The following HDAC4 variants were observed in gnomAD, a reference collection of about 807,000 sequenced individuals.
HDAC4 encodes the protein histone deacetylase 4.
HDAC4 carries 16 observed loss-of-function variants against 135.1 expected under a neutral mutation model. The ratio of observed to expected loss-of-function variants is 0.12; its 90% CI spans 0.08 to 0.18. HDAC4 has a LOEUF of 0.18. Among genes scored for constraint, HDAC4 ranks in the 10% least tolerant of loss-of-function variants. The probability of loss-of-function intolerance (pLI) is 1.00; values close to 1 mark genes in which losing one functional copy is unlikely to be tolerated. For missense variants in HDAC4, 1,143 were observed against 1,511.8 expected (o/e 0.76, Z 4.05); for synonymous variants, 685 against 653.4 (o/e 1.05, Z -0.74).
chr2:239,324,850 G>C (rs564208143), intron 2 of HDAC4, among the ~76,000 whole-genome samples: 4 of 152,100 alleles, frequency 2.6e-5, no homozygotes, highest in African/African-American at 4.8e-5. Flanking sequence ...TATGGCTGCA[G>C]CGCCCTGGCT....
At position 239,208,538 on chromosome 2, in the gene HDAC4, A is replaced by G. The variant is rs145961857; in HGVS notation, c.95-18461T>C. On this transcript the variant is annotated intron_variant, in intron 3 of 26. Transcript: ENST00000543185. ...AAAGAGTTATCTATTAAAAGGTCCCAGCAAATATTGCTTTTAATGGTGAAT... is the reference window on the plus strand; with the variant it reads ...AAAGAGTTATCTATTAAAAGGTCCCGGCAAATATTGCTTTTAATGGTGAAT... 5.3e-3 allele frequency among the ~76,000 whole-genome samples: 811 copies of G among 152,262 alleles called. 5 individuals are homozygous for G. The highest frequency in any genetic ancestry group is 0.015 in the South Asian group (72 of 4,828).
chr2:239,058,834 A>G (rs575194582), intron 24 of HDAC4, among the ~76,000 whole-genome samples: 1 of 152,364 alleles, frequency 6.6e-6, no homozygotes, highest in Non-Finnish European at 1.5e-5. Context: ...CAGGAAAACC[A>G]AAGCGTGAAC....
intron 12 of HDAC4, among the ~76,000 whole-genome samples, chr2:239,122,536 C>A (rs1200643944): frequency 6.6e-6 from 1 of 152,182 alleles, no homozygotes; most frequent in African/African-American, 2.4e-5. Flanking sequence ...CCACTGCATA[C>A]AAGGCACGGG....
In HDAC4 at chr2:239,052,959, G is replaced by C; in HGVS notation, c.*138C>G. Reference sequence around the variant, plus strand: ...GGCCTGGGCGGCAGAAAGGCTTCCCGTGGCTGTTGCACGCTGGGTGTCCCT... The same window carrying C: ...GGCCTGGGCGGCAGAAAGGCTTCCCCTGGCTGTTGCACGCTGGGTGTCCCT... On this transcript the variant is annotated 3_prime_UTR_variant, in exon 27 of 27. Transcript: ENST00000543185. 1 of 999,336 alleles carries C rather than the reference G, an allele frequency of 1.0e-6. No individual in the cohort carries two copies. Among genetic ancestry groups the C allele is most frequent in the Non-Finnish European group, 1.6e-6 (1 of 626,544 alleles). The allele number at this position is 999,336 out of a possible 1,614,324, so 61.9% of individuals were successfully genotyped here.
At chr2:239,354,643 C>A (rs1693377706) in intron 1 of HDAC4, among the ~76,000 whole-genome samples, 2 of 148,302 alleles carry the variant, frequency 1.3e-5, no homozygotes, top group African/African-American at 5.0e-5. Context: ...TAAAGAATCA[C>A]CCCCGCCCCC....
intron 7 of HDAC4, among the ~76,000 whole-genome samples, chr2:239,148,301 AGG>A (rs1370858064): frequency 1.3e-5 from 2 of 152,202 alleles, no homozygotes; most frequent in Non-Finnish European, 2.9e-5. Context: ...AATTGTCAGA[AGG>A]GGGAATAAAA....
intron 2 of HDAC4, among the ~76,000 whole-genome samples, chr2:239,265,004 G>A (rs1304053089): frequency 6.6e-6 from 1 of 152,212 alleles, no homozygotes; most frequent in Non-Finnish European, 1.5e-5. Context: ...GCAGAGCAGG[G>A]CAGGCCCAAT....
At chr2:239,098,681 G>A (rs890934697) in intron 16 of HDAC4, among the ~76,000 whole-genome samples, 25 of 152,310 alleles carry the variant, frequency 1.6e-4, no homozygotes, top group Admixed American at 1.1e-3. Flanking sequence ...ACGGCTTAGC[G>A]GCTTGTGGAT....
chr2:239,072,884 A>C (rs1396596316), intron 22 of HDAC4, among the ~76,000 whole-genome samples: 1 of 152,190 alleles, frequency 6.6e-6, no homozygotes, highest in Non-Finnish European at 1.5e-5. Flanking sequence ...CCAAGGGCTT[A>C]AACACCAGGT....
At chr2:239,128,348 G>A (rs1370127931) in intron 11 of HDAC4, among the ~76,000 whole-genome samples, 4 of 151,940 alleles carry the variant, frequency 2.6e-5, no homozygotes, top group Non-Finnish European at 5.9e-5. Context: ...GGCCAACATG[G>A]CAAAACCCCG....
Position 239,228,453 on chromosome 2 carries a change from G to A in HDAC4, c.94+8140C>T, listed in dbSNP as rs182086980. On this transcript the variant is annotated intron_variant, in intron 3 of 26. Transcript: ENST00000543185. ...TGAATGGGGTGCAAATACAGGCTGT[G>A]TACGCCACGTGAAAGGTGGTGTTCT... is the stretch of plus-strand genomic sequence containing the variant. 3.1e-3 allele frequency among the ~76,000 whole-genome samples: 469 copies of A among 152,302 alleles called. 1 individual carries two copies. Among genetic ancestry groups the A allele is most frequent in the Middle Eastern group, 6.8e-3 (2 of 294 alleles).
Position 239,111,570 on chromosome 2 carries a change from G to A in HDAC4, c.1934C>T (p.Pro645Leu). The change falls in exon 14 of 27, where the codon CCC becomes CTC. Residue 645 changes from proline (P) to leucine (L), a missense_variant. By Grantham distance (98) the Pro-to-Leu change is moderately conservative. Coordinates refer to ENST00000543185, the MANE Select transcript of HDAC4 (RefSeq NM_001378414.1). ...GGTGGGGGGCTCCTGCACAGACACG[G>A]GGAAGGTGGCAGACGCGGGTGAGGA... Reference protein sequence around the residue: ...AQSSPASATFPVSVQEPPTKP... With the variant: ...AQSSPASATFLVSVQEPPTKP... 1 of 1,612,484 alleles carries A rather than the reference G, an allele frequency of 6.2e-7. No individual in the cohort carries two copies. The highest frequency in any genetic ancestry group is 1.1e-5 in the South Asian group (1 of 90,964).
intron 2 of HDAC4, among the ~76,000 whole-genome samples, chr2:239,283,610 T>C (rs1443657473): frequency 6.6e-6 from 1 of 152,138 alleles, no homozygotes; most frequent in Non-Finnish European, 1.5e-5. Flanking sequence ...GAAGGCAGAG[T>C]TGTAAGCACT....
intron 2 of HDAC4, among the ~76,000 whole-genome samples, chr2:239,276,329 G>A (rs756306489): frequency 1.3e-5 from 2 of 152,194 alleles, no homozygotes; most frequent in Non-Finnish European, 2.9e-5. Flanking sequence ...CAACAGAGAG[G>A]CCTGTCTAAC....
intron 2 of HDAC4, among the ~76,000 whole-genome samples, chr2:239,280,608 G>A (rs1199884311): frequency 6.6e-6 from 1 of 152,166 alleles, no homozygotes; most frequent in Non-Finnish European, 1.5e-5. Context: ...CCTCTGCCAG[G>A]AGGCTCGGGG....
chr2:239,063,422 T>C (rs1474397629), intron 24 of HDAC4, among the ~76,000 whole-genome samples: 1 of 152,056 alleles, frequency 6.6e-6, no homozygotes, highest in Non-Finnish European at 1.5e-5. Context: ...GCCAGGATGG[T>C]CTCGATCTCC....
intron 17 of HDAC4, among the ~76,000 whole-genome samples, chr2:239,093,621 C>G (rs2036723842): frequency 6.6e-6 from 1 of 152,220 alleles, no homozygotes; most frequent in South Asian, 2.1e-4. Context: ...AACAGGCTAC[C>G]CTCTCTGCCC....
At chr2:239,154,954 T>C (rs550498017) in intron 7 of HDAC4, 56 of 152,398 alleles carry the variant, frequency 3.7e-4, no homozygotes, top group African/African-American at 1.3e-3. Context: ...GGTTCTTGAC[T>C]TGGAGAGGAC....
At chr2:239,242,230 A>AAGGGAGGGGGGAAGGGAGGG (rs2048223995) in intron 2 of HDAC4, among the ~76,000 whole-genome samples, 2 of 99,208 alleles carry the variant, frequency 2.0e-5, no homozygotes, top group African/African-American at 7.4e-5. Context: ...GAAGGAGGGG[A>AAGGGAGGGGGGAAGGGAGGG]AGGGAGGGAG....
Sources: allele counts gnomAD v4.1 joint callset (sites outside exome capture counted in the v4.1 genomes callset), GRCh38; gene constraint gnomAD v4.1.1; transcripts MANE v1.5; gene names NCBI Gene and HGNC (gene_info 2026-07-23, HGNC 2026-07-21).